Variants in PTBP3 observed in about 807,000 individuals in gnomAD.
PTBP3 encodes polypyrimidine tract-binding protein 3.
Under a neutral mutation model 58.7 loss-of-function variants are expected in PTBP3, and 20 were observed. The observed-to-expected ratio is 0.34, with a 90% confidence interval of 0.24 to 0.50. PTBP3 has a LOEUF of 0.50. Ranked by LOEUF, PTBP3 falls within the 20% of genes least tolerant of loss-of-function variation. The pLI is 0.98. For synonymous variants in PTBP3, 185 were observed against 219.8 expected, an observed-to-expected ratio of 0.84 and a Z score of 1.40; for missense variants, 509 against 637.2, an observed-to-expected ratio of 0.80 and a Z score of 2.17.
At chr9:112,331,893 T>C (rs1830392393) in intron 1 of PTBP3, among the ~76,000 whole-genome samples, 2 of 152,242 alleles carry the variant, frequency 1.3e-5, no homozygotes, top group African/African-American at 2.4e-5. Flanking sequence ...ATTATAACTA[T>C]ACATTTTACG....
chr9:112,296,747 C>A (rs1010002751), intron 2 of PTBP3, among the ~76,000 whole-genome samples: 1 of 152,146 alleles, frequency 6.6e-6, no homozygotes, highest in African/African-American at 2.4e-5. Flanking sequence ...GAACCTGTGT[C>A]GTCCAACTCT....
intron 5 of PTBP3, among the ~76,000 whole-genome samples, 196 bp from the exon 6 acceptor site, chr9:112,252,984 G>A (rs1836192524): frequency 6.6e-6 from 1 of 152,100 alleles, no homozygotes; most frequent in Admixed American, 6.5e-5. Context: ...GTACACAACA[G>A]GCACTTAAAT....
At chr9:112,251,683 C>G (rs2132077587) in intron 6 of PTBP3, among the ~76,000 whole-genome samples, 1 of 152,056 alleles carries the variant, frequency 6.6e-6, no homozygotes, top group African/African-American at 2.4e-5. Context: ...ATTAGCAACC[C>G]CTTCCTTTGC....
At chr9:112,293,385 ATATTT>A (rs1564440703) in intron 2 of PTBP3, among the ~76,000 whole-genome samples, 1 of 152,262 alleles carries the variant, frequency 6.6e-6, no homozygotes, top group Non-Finnish European at 1.5e-5. Flanking sequence ...CAATGAAGAA[ATATTT>A]TATTAATATA....
chr9:112,341,033 T>C, the PTBP3 span, among the ~76,000 whole-genome samples: 1 of 152,320 alleles, frequency 6.6e-6, no homozygotes, highest in East Asian at 1.9e-4. Flanking sequence ...TTACATATTA[T>C]ATTCTTCTAC....
the PTBP3 span, among the ~76,000 whole-genome samples, chr9:112,358,535 G>A: frequency 6.6e-6 from 1 of 152,170 alleles, no homozygotes; most frequent in African/African-American, 2.4e-5. Context: ...TGAGCAAACA[G>A]TCCCAGTTCT....
intron 1 of PTBP3, chr9:112,330,495 G>C: frequency 1.3e-6 from 2 of 1,493,184 alleles, no homozygotes; most frequent in Admixed American, 2.1e-5. Context: ...AAAGTAAAAA[G>C]AGAAAATGGA....
the PTBP3 span, among the ~76,000 whole-genome samples, chr9:112,356,046 C>T: frequency 6.7e-6 from 1 of 149,376 alleles, no homozygotes; most frequent in Admixed American, 6.7e-5. Context: ...TTCCTTTCTT[C>T]CTCCCTCCCT....
At chr9:112,285,100 A>C (rs1186546074) in intron 2 of PTBP3, among the ~76,000 whole-genome samples, 6 of 152,244 alleles carry the variant, frequency 3.9e-5, no homozygotes, top group Admixed American at 1.3e-4. Context: ...CTCATCTGGA[A>C]TTGTAATCAT....
At chr9:112,264,150 G>A (rs575232763) in intron 4 of PTBP3, among the ~76,000 whole-genome samples, 4 of 152,252 alleles carry the variant, frequency 2.6e-5, no homozygotes, top group Non-Finnish European at 5.9e-5. Flanking sequence ...GGGATAAGGA[G>A]AAATGTATAC....
chr9:112,237,274 T>C (rs1835471763), intron 7 of PTBP3, among the ~76,000 whole-genome samples: 1 of 152,124 alleles, frequency 6.6e-6, no homozygotes, highest in Non-Finnish European at 1.5e-5. Context: ...AACAGAAACA[T>C]CATATAGCAA....
At chr9:112,333,108 T>C (rs1830446080) in intron 1 of PTBP3, 1 of 1,257,356 alleles carries the variant, frequency 8.0e-7, no homozygotes, top group Admixed American at 4.3e-5. Context: ...CGCACCATTT[T>C]CTGAGAGGAA....
At chr9:112,251,197 A>C in intron 6 of PTBP3, 94 bp from the exon 7 acceptor site, 3 of 1,068,382 alleles carry the variant, frequency 2.8e-6, no homozygotes, top group Non-Finnish European at 3.8e-6. Flanking sequence ...ATCAGGTGTA[A>C]GGCAGAAAGC....
Position 112,250,953 on chromosome 9 carries a change from C to T in PTBP3, c.778G>A (p.Glu260Lys). The change falls in exon 7 of 14, where the codon GAA (glutamate) becomes AAA (lysine). Residue 260 changes from glutamate (E) to lysine (K), a missense_variant. By Grantham distance (56) the Glu-to-Lys change is moderately conservative. Around this residue, in one of 4 missense-constraint regions of PTBP3, gnomAD observed 121 missense variants for 114.8 expected, o/e 1.05. Transcript: ENST00000374257. ...LPTGDGQPSL[E>K]PPMAAAFGAP... ...CCAAAAGCAGCAGCCATAGGGGGTT[C>T]AAGGGATGGCTGGCCATCACCAGTA... is the stretch of plus-strand genomic sequence containing the variant. 6.2e-7 allele frequency: 1 copy of T among 1,605,238 alleles called. No homozygotes were observed. Among genetic ancestry groups the T allele is most frequent in the Non-Finnish European group, 8.5e-7 (1 of 1,175,912 alleles).
intron 1 of PTBP3, among the ~76,000 whole-genome samples, chr9:112,308,098 T>A (rs187311150): frequency 4.6e-5 from 7 of 152,212 alleles, no homozygotes; most frequent in Admixed American, 3.9e-4. Context: ...TCACCCAGGA[T>A]GGAGTACAGC....
At chr9:112,378,770 G>T in the PTBP3 span, among the ~76,000 whole-genome samples, 11 of 152,314 alleles carry the variant, frequency 7.2e-5, no homozygotes, top group Middle Eastern at 3.4e-3. Flanking sequence ...CTTAGTGGAT[G>T]ATAATAATTT....
rs773066780 is a variant in PTBP3 at position 112,333,455 on chromosome 9, C to T, written c.-52+15G>A. The T allele has an allele frequency of 6.4e-6, 10 of 1,574,770 alleles. No homozygotes were observed. In the East Asian group the frequency reaches 1.2e-4, roughly 20 times the overall value. ...AAGGCAACCCGGTGCGGCCGCCGCG[C>T]CGCCTAGTACTTACCCATCCATGGC... On this transcript the variant is annotated intron_variant, in intron 1 of 13. Coordinates refer to ENST00000374257, the MANE Select transcript of PTBP3 (RefSeq NM_001163788.4).
chr9:112,282,550 T>C (rs1380719830), intron 2 of PTBP3, among the ~76,000 whole-genome samples: 1 of 152,210 alleles, frequency 6.6e-6, no homozygotes, highest in Admixed American at 6.5e-5. Context: ...CCCACAAATT[T>C]CATTAAGTTA....
intron 3 of PTBP3, chr9:112,272,563 T>TATCC (rs1827434503): frequency 6.6e-6 from 1 of 152,182 alleles, no homozygotes; most frequent in Non-Finnish European, 1.5e-5. Flanking sequence ...TCCATCCATC[T>TATCC]ATCCATCCAT....
Sources: allele counts gnomAD v4.1 joint callset (sites outside exome capture counted in the v4.1 genomes callset), GRCh38; gene constraint gnomAD v4.1.1; regional missense constraint gnomAD v4.1.1; transcripts MANE v1.5; gene names NCBI Gene and HGNC (gene_info 2026-07-23, HGNC 2026-07-21).